Variants in RYR3 observed in about 807,000 individuals in gnomAD.
The protein encoded by RYR3 is ryanodine receptor 3, also known as brain ryanodine receptor-calcium release channel.
Under a neutral mutation model 584.3 loss-of-function variants are expected in RYR3, and 207 were observed. The ratio of observed to expected loss-of-function variants is 0.35; its 90% CI spans 0.32 to 0.40. The LOEUF (loss-of-function observed/expected upper bound fraction) is 0.40, where lower values mean the gene tolerates loss of function less well. Among genes scored for constraint, RYR3 ranks in the 10% least tolerant of loss-of-function variants. The pLI, the probability that RYR3 is intolerant of heterozygous loss-of-function variation, is 1.00. For missense variants in RYR3, 5,616 were observed against 6,089.2 expected (o/e 0.92, Z 2.59); for synonymous variants, 2,416 against 2,248.5 (o/e 1.07, Z -2.11).
chr15:33,694,842 C>T lies in RYR3; in HGVS notation c.5861-1376C>T, dbSNP rs79885424. 5.8e-3 allele frequency among the ~76,000 whole-genome samples: 887 copies of T among 152,276 alleles called. 6 individuals carry two copies. Among genetic ancestry groups the T allele is most frequent in the African/African-American group, 0.02 (840 of 41,564 alleles). ...TTTAAGGTTCTCAGTTTATGTGTCC[C>T]ATCTGAATCTAACACACCGACAGGG... On this transcript the variant is annotated intron_variant, in intron 38 of 103. Transcript: ENST00000634891.
At chr15:33,534,644 C>T (rs964432816) in intron 5 of RYR3, among the ~76,000 whole-genome samples, 1 of 152,180 alleles carries the variant, frequency 6.6e-6, no homozygotes, top group African/African-American at 2.4e-5. Flanking sequence ...TAATAATCTA[C>T]AGATATTCAA....
intron 3 of RYR3, among the ~76,000 whole-genome samples, chr15:33,525,492 A>G (rs1200365343): frequency 2.0e-5 from 3 of 152,248 alleles, no homozygotes; most frequent in Non-Finnish European, 2.9e-5. Context: ...AGTTAAATTT[A>G]GGGGAATAAG....
rs771073646 is a variant in RYR3, at chr15:33,801,830, T to G, written c.9919-39T>G. On this transcript the variant is annotated intron_variant, in intron 68 of 103. Coordinates refer to ENST00000634891, the MANE Select transcript of RYR3 (RefSeq NM_001036.6). The stretch of plus-strand genomic sequence containing the variant: ...AATCTTATTTTTGGTTTACAGAACT[T>G]TCTTGTAATGTTTGCTGTTTCAATT... The G allele has an allele frequency of 9.0e-5, 100 of 1,108,194 alleles. 1 individual carries two copies. The highest frequency in any genetic ancestry group is 7.6e-4 in the Admixed American group (36 of 47,070). 68.6% of individuals were successfully genotyped at this position (1,108,194 alleles called of 1,614,324 possible).
At chr15:33,646,326 A>G (rs577583720) in intron 28 of RYR3, 25 bp from the exon 29 acceptor site, 2 of 1,566,854 alleles carry the variant, frequency 1.3e-6, no homozygotes, top group Non-Finnish European at 1.7e-6. Context: ...TGGTATGTCA[A>G]GGTAAGGACT....
chr15:33,722,476 T>A, intron 43 of RYR3: 1 of 531,438 alleles, frequency 1.9e-6, no homozygotes. Flanking sequence ...CAACTCCTAA[T>A]CTCAAGAGTA....
chr15:33,794,309 TTA>T (rs1207598282), intron 67 of RYR3, among the ~76,000 whole-genome samples: 8 of 97,940 alleles, frequency 8.2e-5, no homozygotes, highest in African/African-American at 2.2e-4. Flanking sequence ...ATATATATTT[TTA>T]TATATATATA....
intron 1 of RYR3, among the ~76,000 whole-genome samples, chr15:33,335,396 G>A (rs1005793518): frequency 6.6e-6 from 1 of 152,200 alleles, no homozygotes; most frequent in Non-Finnish European, 1.5e-5. Flanking sequence ...GATGGAGCTG[G>A]AGGCCATTGT....
intron 2 of RYR3, among the ~76,000 whole-genome samples, chr15:33,493,501 A>G (rs2051152400): frequency 1.3e-5 from 2 of 152,182 alleles, no homozygotes; most frequent in Admixed American, 6.5e-5. Context: ...ATGACCATAT[A>G]AAGAGTCAGT....
intron 18 of RYR3, among the ~76,000 whole-genome samples, chr15:33,612,724 A>G (rs151135467): frequency 2.2e-4 from 34 of 152,176 alleles, no homozygotes; most frequent in Admixed American, 2.0e-4. Context: ...TCTCTATTCA[A>G]CTCTACAGCA....
Position 33,773,672 on chromosome 15 carries a change from C to T in RYR3, c.9137+57C>T, listed in dbSNP as rs540653594. The T allele has an allele frequency of 8.3e-6, 9 of 1,087,002 alleles. No homozygotes were observed. The South Asian group carries it at 1.1e-4, about 13-fold the overall frequency. 67.3% of individuals were successfully genotyped at this position (1,087,002 alleles called of 1,614,324 possible). On this transcript the variant is annotated intron_variant, in intron 64 of 103. Transcript: ENST00000634891. ...AGGCATAGTAAAATGTTACTTACAG[C>T]CTTTTACACACTTAATGATATCATT... is the stretch of plus-strand genomic sequence containing the variant.
At chr15:33,367,491 T>C (rs1455820634) in intron 1 of RYR3, among the ~76,000 whole-genome samples, 1 of 152,228 alleles carries the variant, frequency 6.6e-6, no homozygotes, top group Non-Finnish European at 1.5e-5. Flanking sequence ...GCTTTCTATC[T>C]AACCTTCACA....
At chr15:33,681,649 CT>C (rs2064628688) in intron 38 of RYR3, among the ~76,000 whole-genome samples, 1 of 152,222 alleles carries the variant, frequency 6.6e-6, no homozygotes, top group Non-Finnish European at 1.5e-5. Context: ...CACAAGCTGA[CT>C]TTTCAATCAC....
intron 65 of RYR3, 57 bp downstream of exon 65, chr15:33,780,398 C>G: frequency 6.3e-7 from 1 of 1,578,366 alleles, no homozygotes; most frequent in Non-Finnish European, 8.7e-7. Flanking sequence ...AGGAGAGGAG[C>G]CACACAGGCA....
chr15:33,807,775 GC>G, intron 70 of RYR3: 1 of 598,412 alleles, frequency 1.7e-6, no homozygotes, highest in African/African-American at 1.9e-5. Context: ...AGCCGGGGAA[GC>G]CAGCCAAGCC....
intron 1 of RYR3, among the ~76,000 whole-genome samples, chr15:33,442,693 A>C (rs1376500995): frequency 6.6e-6 from 1 of 152,248 alleles, no homozygotes; most frequent in Non-Finnish European, 1.5e-5. Context: ...AACAGGCTTT[A>C]GACAGAAATT....
chr15:33,800,862 G>A lies in RYR3; in HGVS notation c.9918+5G>A. 1 of 1,598,908 alleles carries A rather than the reference G, an allele frequency of 6.3e-7. No homozygotes were observed. The highest frequency in any genetic ancestry group is 8.6e-7 in the Non-Finnish European group (1 of 1,166,132). ...ATTCTGTGGTGTAAATCTCATGTAA[G>A]AACACATTTGGGCCCTGGGTTTAGA... On this transcript the variant is annotated splice_donor_5th_base_variant and intron_variant, in intron 68 of 103. Transcript: ENST00000634891.
At chr15:33,428,289 G>A (rs1398432877) in intron 1 of RYR3, among the ~76,000 whole-genome samples, 1 of 152,176 alleles carries the variant, frequency 6.6e-6, no homozygotes, top group Non-Finnish European at 1.5e-5. Context: ...TCCTTAACAT[G>A]TGTACATTCA....
At chr15:33,810,844 CG>C (rs2076490368) in intron 71 of RYR3, 133 bp from the exon 72 acceptor site, 11 of 1,086,604 alleles carry the variant, frequency 1.0e-5, no homozygotes, top group Non-Finnish European at 1.5e-5. Context: ...GACAAATCTC[CG>C]GAATATTTTT....
intron 11 of RYR3, among the ~76,000 whole-genome samples, chr15:33,565,016 A>T (rs2057627151): frequency 6.6e-6 from 1 of 152,206 alleles, no homozygotes; most frequent in South Asian, 2.1e-4. Flanking sequence ...GAAACACCTG[A>T]TGAGTACCCA....
Sources: gnomAD v4.1 joint callset for allele counts (sites outside exome capture counted in the v4.1 genomes callset) on GRCh38, gnomAD v4.1.1 for gene constraint, MANE v1.5 for transcripts, NCBI Gene and HGNC (gene_info 2026-07-23, HGNC 2026-07-21) for gene names.